Variants in CREB3L3 observed in about 807,000 individuals in gnomAD.
CREB3L3 encodes cAMP responsive element binding protein 3 like 3, also known as cyclic AMP-responsive element-binding protein 3-like protein 3.
Under a neutral mutation model 44.6 loss-of-function variants are expected in CREB3L3, and 40 were observed. The observed-to-expected ratio is 0.90, with a 90% CI of 0.70 to 1.17. The LOEUF (loss-of-function observed/expected upper bound fraction) is 1.17. Ranked by LOEUF, CREB3L3 falls within the 50% of genes most tolerant of loss-of-function variation. The pLI is 0.00. For synonymous variants in CREB3L3, 273 were observed against 256.3 expected (o/e 1.06, Z -0.62); for missense variants, 578 against 595.8 (o/e 0.97, Z 0.31).
chr19:4,167,159 A>T (rs1966923793), intron 5 of CREB3L3, among the ~76,000 whole-genome samples: 1 of 152,052 alleles, frequency 6.6e-6, no homozygotes, highest in Non-Finnish European at 1.5e-5. Context: ...CCTGGCCAAC[A>T]TGGTGAAACC....
chr19:4,169,963 C>A (rs1029566130), intron 6 of CREB3L3, among the ~76,000 whole-genome samples, 177 bp from the exon 7 acceptor site: 2 of 152,126 alleles, frequency 1.3e-5, no homozygotes, highest in Non-Finnish European at 2.9e-5. Context: ...AGGAACCAGG[C>A]AGATGTGGGT....
intron 5 of CREB3L3, 89 bp from the exon 6 acceptor site, chr19:4,168,262 G>C: frequency 1.0e-6 from 1 of 977,534 alleles, no homozygotes. Context: ...GCCTCCCAAA[G>C]TGCTGGGATT....
intron 2 of CREB3L3, 111 bp downstream of exon 2, chr19:4,155,138 T>G: frequency 7.5e-7 from 1 of 1,334,236 alleles, no homozygotes; most frequent in Non-Finnish European, 1.1e-6. Context: ...TGCTCAGCTC[T>G]ACGATGCACT....
intron 1 of CREB3L3, 103 bp downstream of exon 1, chr19:4,153,877 A>G: frequency 2.3e-6 from 3 of 1,296,524 alleles, no homozygotes; most frequent in Non-Finnish European, 3.3e-6. Flanking sequence ...TATTGTACAG[A>G]TGGGAAGACT....
In CREB3L3 at chr19:4,157,149, G is replaced by A; in HGVS notation, c.311G>A (p.Ser104Asn). The A allele has an allele frequency of 6.2e-7, 1 of 1,613,872 alleles. No individual in the cohort carries two copies. Among genetic ancestry groups the A allele is most frequent in the Middle Eastern group, 1.6e-4 (1 of 6,062 alleles). ...PSDPQDTPPRSGPATSPAGCH... is the reference protein window; with the variant it reads ...PSDPQDTPPRNGPATSPAGCH... ...GACCCCCAGGACACCCCTCCACGCA[G>A]CGGACCAGCCACCTCCCCCGCCGGC... The change falls in exon 3 of 10, where the codon AGC becomes AAC. Residue 104 changes from serine (S) to asparagine (N), a missense_variant. Physicochemically the swap from Ser to Asn is conservative, Grantham distance 46. Coordinates refer to ENST00000078445, the MANE Select transcript of CREB3L3 (RefSeq NM_032607.3).
rs1966971223 is a variant in CREB3L3 at position 4,168,399 on chromosome 19, C to T, written c.763C>T (p.Gln255Ter). Residue 255 changes from glutamine (Q) to a stop codon, truncating the protein, a stop_gained, in exon 6 of 10, where the codon CAG becomes TAG. Coordinates refer to ENST00000078445, the MANE Select transcript of CREB3L3 (RefSeq NM_032607.3). LOFTEE classifies it high-confidence loss of function. ...KKIRRKIRNK[Q>*]SAQESRKKKK... is the part of the protein sequence containing the mutation. ...AATCCGCCGGAAAATCCGGAACAAG[C>T]AGTCGGCGCAAGAAAGCAGGAAGAA... The T allele has an allele frequency of 6.2e-7, 1 of 1,611,332 alleles. No individual in the cohort carries two copies. Among genetic ancestry groups the T allele is most frequent in the Non-Finnish European group, 8.5e-7 (1 of 1,178,464 alleles).
At chr19:4,156,878 G>T (rs1276507089) in intron 2 of CREB3L3, 117 bp from the exon 3 acceptor site, 2 of 1,039,858 alleles carry the variant, frequency 1.9e-6, no homozygotes, top group African/African-American at 3.2e-5. Context: ...AACTCATCTT[G>T]GAGAAGGGAA....
intron 4 of CREB3L3, among the ~76,000 whole-genome samples, chr19:4,164,074 A>G (rs1458715254): frequency 6.7e-6 from 1 of 150,192 alleles, no homozygotes; most frequent in Non-Finnish European, 1.5e-5. Flanking sequence ...TCTGGGTTCA[A>G]GCGATTCTCC....
In CREB3L3 at chr19:4,172,674, G is replaced by C. The variant is rs1967084254; in HGVS notation, c.*705G>C. On this transcript the variant is annotated 3_prime_UTR_variant, in exon 10 of 10. Coordinates refer to ENST00000078445, the MANE Select transcript of CREB3L3 (RefSeq NM_032607.3). ...TGAAACAGACCCGGACAGACAGACA[G>C]ACACAGCCTGAAACAGACCCAGACA... 4.3e-6 allele frequency: 1 copy of C among 233,126 alleles called. No homozygotes were observed. Among genetic ancestry groups the C allele is most frequent in the South Asian group, 4.5e-5 (1 of 22,212 alleles). The allele number at this position is 233,126 out of a possible 1,614,324, so 14.4% of individuals were successfully genotyped here.
At chr19:4,154,324 G>A (rs962881938) in intron 1 of CREB3L3, among the ~76,000 whole-genome samples, 2 of 152,074 alleles carry the variant, frequency 1.3e-5, no homozygotes, top group South Asian at 2.1e-4. Context: ...TGCCCGCCTC[G>A]GCTTCCCAGA....
At position 4,171,533 on chromosome 19, in the gene CREB3L3, T is replaced by C; in HGVS notation, c.1072+54T>C. On this transcript the variant is annotated intron_variant, in intron 9 of 9. Transcript: ENST00000078445. This position sits in a 1 kb window ranked among gnomAD's most constrained non-coding sequence, Gnocchi z 4.9. The stretch of plus-strand genomic sequence containing the variant: ...GTCTGGTCTCCCCAAGTCCCCGTCC[T>C]GGGCCTCTGGGGGAGGGGGAGAAGA... 1.2e-6 allele frequency: 2 copies of C among 1,603,974 alleles called. No homozygotes were observed. Among genetic ancestry groups the C allele is most frequent in the Non-Finnish European group, 1.7e-6 (2 of 1,171,112 alleles).
In CREB3L3 at chr19:4,159,006, C is replaced by T. The variant is rs949524268; in HGVS notation, c.458-658C>T. Among the ~76,000 whole-genome samples, 3 of 152,262 alleles carry T rather than the reference C, an allele frequency of 2.0e-5. No individual in the cohort carries two copies. The East Asian group carries it at 5.8e-4, about 29-fold the overall frequency. ...CGTCCCTGCCCCTTGGGTGAGATAA[C>T]GCCTGGCTGGCTGCAAATCTAGCCT... On this transcript the variant is annotated intron_variant, in intron 3 of 9. Coordinates refer to ENST00000078445, the MANE Select transcript of CREB3L3 (RefSeq NM_032607.3).
At chr19:4,164,929 G>A (rs908137934) in intron 5 of CREB3L3, among the ~76,000 whole-genome samples, 1 of 151,862 alleles carries the variant, frequency 6.6e-6, no homozygotes, top group Non-Finnish European at 1.5e-5. Context: ...GGCTGGTCTC[G>A]AGCTCCTGAC....
chr19:4,160,975 G>A (rs1218709715), intron 4 of CREB3L3, among the ~76,000 whole-genome samples: 2 of 146,088 alleles, frequency 1.4e-5, no homozygotes, highest in Admixed American at 7.0e-5. Context: ...GCAGTGGCGT[G>A]ATCTCGGCTC....
Position 4,171,569 on chromosome 19 carries a change from C to T in CREB3L3, c.1073-87C>T. 6.2e-7 allele frequency: 1 copy of T among 1,600,494 alleles called. No individual in the cohort carries two copies. The highest frequency in any genetic ancestry group is 1.1e-5 in the South Asian group (1 of 90,760). On this transcript the variant is annotated intron_variant, in intron 9 of 9. Transcript: ENST00000078445. The surrounding 1 kb of genome is among the most constrained non-coding windows in gnomAD (Gnocchi z 4.9). ...GGGAGGGGGAGAAGACCCCTGTGCCCTTGTTCCCTGAGGCTGGGGGCCAGG... is the reference window on the plus strand; with the variant it reads ...GGGAGGGGGAGAAGACCCCTGTGCCTTTGTTCCCTGAGGCTGGGGGCCAGG...
At chr19:4,159,942 C>T (rs1300635509) in intron 4 of CREB3L3, among the ~76,000 whole-genome samples, 160 bp downstream of exon 4, 5 of 152,094 alleles carry the variant, frequency 3.3e-5, no homozygotes, top group Admixed American at 1.3e-4. Flanking sequence ...GGCTCACTGT[C>T]GCCTGGGCTG....
chr19:4,164,830 T>A (rs1289310912), intron 5 of CREB3L3, among the ~76,000 whole-genome samples, 190 bp downstream of exon 5: 3 of 152,124 alleles, frequency 2.0e-5, no homozygotes, highest in Admixed American at 2.0e-4. Context: ...CGCCTCAGCC[T>A]CCTGAGTAGC....
rs576347534 is a variant in CREB3L3 at position 4,165,627 on chromosome 19, T to A, written c.714+987T>A. ...CTGTAATCCCAGCACTGTGGGAGGCTGAGGCAGAGGATCACTTGAGGTCAG... is the reference window on the plus strand; with the variant it reads ...CTGTAATCCCAGCACTGTGGGAGGCAGAGGCAGAGGATCACTTGAGGTCAG... On this transcript the variant is annotated intron_variant, in intron 5 of 9. Transcript: ENST00000078445. Among the ~76,000 whole-genome samples, 4 of 152,226 alleles carry A rather than the reference T, an allele frequency of 2.6e-5. No individual in the cohort carries two copies. In the South Asian group the frequency reaches 8.3e-4, roughly 32 times the overall value.
chr19:4,156,097 CT>C (rs1207594189), intron 2 of CREB3L3, among the ~76,000 whole-genome samples: 12 of 136,300 alleles, frequency 8.8e-5, no homozygotes. Context: ...CTCTCTCTCT[CT>C]CTCTCTCTCT....
Sources: gnomAD v4.1 joint callset for allele counts (sites outside exome capture counted in the v4.1 genomes callset) on GRCh38, gnomAD v4.1.1 for gene constraint, Gnocchi (gnomAD v3.1) non-coding constraint, MANE v1.5 for transcripts, NCBI Gene and HGNC (gene_info 2026-07-23, HGNC 2026-07-21) for gene names.